Variants in ATXN1 observed in about 807,000 individuals in gnomAD.
The protein encoded by ATXN1 is ataxin 1.
A neutral mutation model predicts 56.4 loss-of-function variants in ATXN1; 8 were observed. That is an observed-to-expected ratio of 0.14 (90% CI 0.08 to 0.26). The LOEUF is 0.26. Ranked by LOEUF, ATXN1 falls within the 10% of genes least tolerant of loss-of-function variation. The probability of loss-of-function intolerance (pLI) is 1.00; values close to 1 mark genes in which losing one functional copy is unlikely to be tolerated. For missense variants in ATXN1, 987 were observed against 1,106.5 expected, an observed-to-expected ratio of 0.89 and a Z score of 1.53; for synonymous variants, 514 against 494.6, an observed-to-expected ratio of 1.04 and a Z score of -0.52.
intron 6 of ATXN1, among the ~76,000 whole-genome samples, chr6:16,456,832 C>T (rs560988217): frequency 8.5e-5 from 13 of 152,164 alleles, no homozygotes; most frequent in Non-Finnish European, 1.6e-4. Context: ...CCCAGGCTCA[C>T]CAATCAGAAA....
chr6:16,454,689 G>A (rs538001379), intron 6 of ATXN1, among the ~76,000 whole-genome samples: 2 of 152,176 alleles, frequency 1.3e-5, no homozygotes, highest in Non-Finnish European at 2.9e-5. Flanking sequence ...TAGTGCTTTT[G>A]GCAGGTCAGC....
chr6:16,314,044 G>A (rs1232461664), intron 7 of ATXN1, among the ~76,000 whole-genome samples: 2 of 152,226 alleles, frequency 1.3e-5, no homozygotes, highest in Admixed American at 1.3e-4. Flanking sequence ...AAGCTGAGGT[G>A]GGAGCGGAAG....
intron 5 of ATXN1, among the ~76,000 whole-genome samples, chr6:16,493,312 T>A (rs1433365645): frequency 2.0e-5 from 3 of 152,142 alleles, no homozygotes; most frequent in Non-Finnish European, 2.9e-5. Flanking sequence ...ACAGTGAGCT[T>A]CTCACTTCCT....
chr6:16,325,117 T>C (rs1760771733), intron 7 of ATXN1, among the ~76,000 whole-genome samples: 1 of 118,674 alleles, frequency 8.4e-6, no homozygotes, highest in African/African-American at 3.0e-5. Flanking sequence ...GCCTTCCATC[T>C]GTTTTTTTTT....
At chr6:16,719,931 C>T (rs1759713440) in intron 2 of ATXN1, among the ~76,000 whole-genome samples, 1 of 152,164 alleles carries the variant, frequency 6.6e-6, no homozygotes, top group South Asian at 2.1e-4. Flanking sequence ...GACGTCTGCC[C>T]TCCAGAACTT....
intron 2 of ATXN1, among the ~76,000 whole-genome samples, chr6:16,727,587 T>C (rs1759878276): frequency 2.0e-5 from 3 of 152,168 alleles, no homozygotes; most frequent in South Asian, 4.1e-4. Flanking sequence ...AATAATGTAA[T>C]ACAAATTATG....
At chr6:16,684,120 G>A (rs1388487832) in intron 2 of ATXN1, among the ~76,000 whole-genome samples, 2 of 152,176 alleles carry the variant, frequency 1.3e-5, no homozygotes, top group Admixed American at 6.5e-5. Context: ...AGGGACTATT[G>A]TCAAACCTTC....
chr6:16,364,345 G>T (rs770495650), intron 6 of ATXN1, among the ~76,000 whole-genome samples: 1 of 151,330 alleles, frequency 6.6e-6, no homozygotes, highest in African/African-American at 2.4e-5. Flanking sequence ...TCGTTCTGTC[G>T]CCAGGCTGGA....
intron 4 of ATXN1, among the ~76,000 whole-genome samples, chr6:16,528,191 C>T (rs1761429885): frequency 6.6e-6 from 1 of 151,810 alleles, no homozygotes; most frequent in Admixed American, 6.6e-5. Flanking sequence ...ATCCCAGCTA[C>T]TCGGGAGGCT....
chr6:16,530,256 C>A (rs1231184693), intron 4 of ATXN1, among the ~76,000 whole-genome samples: 10 of 152,108 alleles, frequency 6.6e-5, no homozygotes, highest in Non-Finnish European at 1.3e-4. Flanking sequence ...GAATGGTTTT[C>A]AAGGAAAGTA....
At chr6:16,354,296 C>T (rs968479252) in intron 6 of ATXN1, among the ~76,000 whole-genome samples, 1 of 151,898 alleles carries the variant, frequency 6.6e-6, no homozygotes, top group Admixed American at 6.6e-5. Flanking sequence ...CTCGCTCTGT[C>T]GCCCAGGCTG....
intron 6 of ATXN1, among the ~76,000 whole-genome samples, chr6:16,343,617 T>C (rs997612208): frequency 6.6e-6 from 1 of 152,152 alleles, no homozygotes; most frequent in Non-Finnish European, 1.5e-5. Flanking sequence ...TATCATGTCA[T>C]TGCTCACTGA....
At chr6:16,463,367 C>T (rs999648461) in intron 6 of ATXN1, among the ~76,000 whole-genome samples, 7 of 152,176 alleles carry the variant, frequency 4.6e-5, no homozygotes, top group Non-Finnish European at 8.8e-5. Flanking sequence ...CCCCTCAAAG[C>T]TCAGGTCCGT....
intron 6 of ATXN1, among the ~76,000 whole-genome samples, chr6:16,464,049 G>C (rs915295715): frequency 2.0e-5 from 3 of 152,184 alleles, no homozygotes; most frequent in African/African-American, 7.2e-5. Context: ...GAAGTAGCTA[G>C]AGCAGTCATC....
At chr6:16,455,701 A>G (rs1759853071) in intron 6 of ATXN1, among the ~76,000 whole-genome samples, 1 of 152,194 alleles carries the variant, frequency 6.6e-6, no homozygotes, top group African/African-American at 2.4e-5. Context: ...TTCAGCACTA[A>G]AAACAAATAA....
At chr6:16,338,519 G>A (rs767383984) in intron 6 of ATXN1, among the ~76,000 whole-genome samples, 10 of 152,170 alleles carry the variant, frequency 6.6e-5, no homozygotes, top group Non-Finnish European at 1.2e-4. Flanking sequence ...TTTTACTTGC[G>A]ATTATACATG....
In ATXN1 at chr6:16,531,749, G is replaced by T. The variant is rs1337847895; in HGVS notation, c.-360-9061C>A. On this transcript the variant is annotated intron_variant, in intron 4 of 7. Coordinates refer to ENST00000436367, the MANE Select transcript of ATXN1 (RefSeq NM_001128164.2). The stretch of plus-strand genomic sequence containing the variant: ...TCAAAAAACAAAGGCAAAGAACACA[G>T]CTCTGGACACAAAATTGGAATTCAG... Among the ~76,000 whole-genome samples, 3 of 152,090 alleles carry T rather than the reference G, an allele frequency of 2.0e-5. No individual in the cohort carries two copies. In the East Asian group the frequency reaches 5.8e-4, roughly 29 times the overall value.
intron 3 of ATXN1, among the ~76,000 whole-genome samples, chr6:16,609,576 T>G (rs1486933851): frequency 1.3e-5 from 2 of 152,182 alleles, no homozygotes; most frequent in African/African-American, 4.8e-5. Context: ...TCTAGTACAT[T>G]TTTAAGAACA....
chr6:16,477,488 C>T (rs1440876165), intron 6 of ATXN1, among the ~76,000 whole-genome samples: 2 of 152,164 alleles, frequency 1.3e-5, no homozygotes, highest in African/African-American at 4.8e-5. Flanking sequence ...AGGCTGGGTG[C>T]ATGGATAAAT....
Sources: allele counts gnomAD v4.1 joint callset (sites outside exome capture counted in the v4.1 genomes callset), GRCh38; gene constraint gnomAD v4.1.1; transcripts MANE v1.5; gene names NCBI Gene and HGNC (gene_info 2026-07-23, HGNC 2026-07-21).